The following IGF1R variants were observed in gnomAD, a reference collection of about 807,000 sequenced individuals.
The protein encoded by IGF1R is insulin like growth factor 1 receptor, also known as insulin-like growth factor 1 receptor.
A neutral mutation model predicts 144.6 loss-of-function variants in IGF1R; 44 were observed. The observed-to-expected ratio is 0.30, with a 90% CI of 0.24 to 0.39. The LOEUF is 0.39. Ranked by LOEUF, IGF1R falls within the 10% of genes least tolerant of loss-of-function variation. The pLI, the probability that IGF1R is intolerant of heterozygous loss-of-function variation, is 1.00. For missense variants in IGF1R, 1,355 were observed against 1,833.7 expected, an observed-to-expected ratio of 0.74 and a Z score of 4.77; for synonymous variants, 795 against 722.8, an observed-to-expected ratio of 1.10 and a Z score of -1.60.
In IGF1R at chr15:98,891,304, G is replaced by A. The variant is rs777538786; in HGVS notation, c.641-21G>A. The A allele has an allele frequency of 2.7e-5, 43 of 1,602,770 alleles. No homozygotes were observed. Among genetic ancestry groups the A allele is most frequent in the Middle Eastern group, 1.7e-4 (1 of 5,718 alleles). On this transcript the variant is annotated intron_variant, in intron 2 of 20. Coordinates refer to ENST00000650285, the MANE Select transcript of IGF1R (RefSeq NM_000875.5). The surrounding 1 kb of genome is among the most constrained non-coding windows in gnomAD (Gnocchi z 4.7). ...GCCTCCCCTGCCCGGTCTCATCTCC[G>A]TCTCTCCTCTCTCTCCACAGTGTGC...
intron 2 of IGF1R, among the ~76,000 whole-genome samples, chr15:98,752,607 C>T (rs562120299): frequency 2.4e-4 from 36 of 151,748 alleles, no homozygotes; most frequent in Admixed American, 3.3e-4. Flanking sequence ...GGCATGAACC[C>T]GGGAGGCGGA....
intron 2 of IGF1R, among the ~76,000 whole-genome samples, chr15:98,810,714 T>A: frequency 6.6e-6 from 1 of 151,890 alleles, no homozygotes; most frequent in Non-Finnish European, 1.5e-5. Flanking sequence ...ACGCCCGGCT[T>A]ATTTTTCGTA....
At chr15:98,829,172 AC>A (rs1567150056) in intron 2 of IGF1R, among the ~76,000 whole-genome samples, 1 of 151,738 alleles carries the variant, frequency 6.6e-6, no homozygotes, top group African/African-American at 2.4e-5. Context: ...AGAGCTTCTT[AC>A]CACATCTGGC....
At chr15:98,772,625 C>A (rs2055616325) in intron 2 of IGF1R, among the ~76,000 whole-genome samples, 1 of 151,520 alleles carries the variant, frequency 6.6e-6, no homozygotes, top group Admixed American at 6.6e-5. Flanking sequence ...GCCTCTCTAG[C>A]AGCTAGAACT....
intron 1 of IGF1R, among the ~76,000 whole-genome samples, chr15:98,682,343 A>G (rs2053211491): frequency 6.6e-6 from 1 of 152,096 alleles, no homozygotes; most frequent in African/African-American, 2.4e-5. Context: ...TGTTCCTTTT[A>G]GGGCCCGTGG....
At chr15:98,709,699 C>G (rs1305399808) in intron 2 of IGF1R, among the ~76,000 whole-genome samples, 1 of 152,174 alleles carries the variant, frequency 6.6e-6, no homozygotes, top group African/African-American at 2.4e-5. Flanking sequence ...CTTGGATGGG[C>G]CAGCCCTTCT....
chr15:98,898,750 G>C (rs1291110342), intron 4 of IGF1R, among the ~76,000 whole-genome samples: 1 of 152,124 alleles, frequency 6.6e-6, no homozygotes, highest in East Asian at 1.9e-4. Flanking sequence ...AGCATTAGTT[G>C]AACTGAAAAT....
chr15:98,952,123 G>C (rs1320861919), intron 20 of IGF1R, among the ~76,000 whole-genome samples: 1 of 152,158 alleles, frequency 6.6e-6, no homozygotes, highest in Non-Finnish European at 1.5e-5. Flanking sequence ...AAAAGATCCA[G>C]GACCTGAGCA....
chr15:98,739,319 C>G (rs1398561784), intron 2 of IGF1R, among the ~76,000 whole-genome samples: 1 of 152,144 alleles, frequency 6.6e-6, no homozygotes, highest in Non-Finnish European at 1.5e-5. Context: ...CTGCTGCTGT[C>G]CCGTCTGTCA....
At chr15:98,737,925 C>T (rs2054650134) in intron 2 of IGF1R, among the ~76,000 whole-genome samples, 2 of 152,182 alleles carry the variant, frequency 1.3e-5, no homozygotes, top group South Asian at 4.1e-4. Flanking sequence ...TTGATGTCTG[C>T]TCTAGGAGCA....
At chr15:98,721,728 C>T (rs1470502835) in intron 2 of IGF1R, among the ~76,000 whole-genome samples, 1 of 152,176 alleles carries the variant, frequency 6.6e-6, no homozygotes, top group Non-Finnish European at 1.5e-5. Context: ...ATTTACAAAA[C>T]ATTTTTGGAT....
intron 2 of IGF1R, among the ~76,000 whole-genome samples, chr15:98,782,825 G>A (rs776037140): frequency 1.3e-5 from 2 of 152,186 alleles, no homozygotes; most frequent in Non-Finnish European, 2.9e-5. Flanking sequence ...CTCATTTTAA[G>A]ATCTCCTTTT....
chr15:98,795,449 C>G (rs1296849408), intron 2 of IGF1R, among the ~76,000 whole-genome samples: 1 of 147,346 alleles, frequency 6.8e-6, no homozygotes, highest in Non-Finnish European at 1.5e-5. Context: ...GAGTCTCACT[C>G]TGTTGCCCAG....
rs143306293 is a variant in IGF1R, at chr15:98,919,251, C to T, written c.2201+2375C>T. 2.3e-3 allele frequency among the ~76,000 whole-genome samples: 350 copies of T among 152,316 alleles called. 2 individuals are homozygous for T. Among genetic ancestry groups the T allele is most frequent in the African/African-American group, 8.1e-3 (336 of 41,568 alleles). ...GCGTTGCTTCTCGTGGTCCTTTCCA[C>T]CTAGACCAGCAGAGGCTTAGCTCGT... On this transcript the variant is annotated intron_variant, in intron 10 of 20. Coordinates refer to ENST00000650285, the MANE Select transcript of IGF1R (RefSeq NM_000875.5).
At chr15:98,763,871 CG>C (rs1451250057) in intron 2 of IGF1R, among the ~76,000 whole-genome samples, 1 of 152,156 alleles carries the variant, frequency 6.6e-6, no homozygotes, top group East Asian at 1.9e-4. Context: ...CCTTGCCCAG[CG>C]TGACCTCATT....
rs1555467735 is a variant in IGF1R, at chr15:98,958,717, A to AT, written c.*1283dup. The AT allele has an allele frequency of 1.7e-5, 4 of 229,598 alleles. No homozygotes were observed. Among genetic ancestry groups the AT allele is most frequent in the East Asian group, 6.2e-5 (1 of 16,204 alleles). The allele number at this position is 229,598 out of a possible 1,614,324, so 14.2% of individuals were successfully genotyped here. A position where few individuals can be genotyped will look rare whatever the true frequency, so the allele number is the denominator to read the frequency against. ...TCTGTACAGAAAAAAAAAAGCTGCT[A>AT]TTTTTTTTGTTCTTGATCTTTGTGG... On this transcript the variant is annotated 3_prime_UTR_variant, in exon 21 of 21. Coordinates refer to ENST00000650285, the MANE Select transcript of IGF1R (RefSeq NM_000875.5).
chr15:98,738,103 A>G (rs1185717502), intron 2 of IGF1R, among the ~76,000 whole-genome samples: 3 of 152,192 alleles, frequency 2.0e-5, no homozygotes, highest in Non-Finnish European at 4.4e-5. Context: ...AAATCCTATG[A>G]CAGATGGGCC....
intron 2 of IGF1R, among the ~76,000 whole-genome samples, chr15:98,733,578 G>A (rs752000500): frequency 5.9e-5 from 9 of 151,822 alleles, no homozygotes; most frequent in Middle Eastern, 3.4e-3. Context: ...AGCCTCCACT[G>A]CTATTGCATG....
At chr15:98,749,915 G>T (rs1249792997) in intron 2 of IGF1R, among the ~76,000 whole-genome samples, 5 of 138,932 alleles carry the variant, frequency 3.6e-5, no homozygotes, top group African/African-American at 1.1e-4. Context: ...CTTAAAAAAA[G>T]AATCTGTTCT....
Sources: gnomAD v4.1 joint callset for allele counts (sites outside exome capture counted in the v4.1 genomes callset) on GRCh38, gnomAD v4.1.1 for gene constraint, Gnocchi (gnomAD v3.1) non-coding constraint, MANE v1.5 for transcripts, NCBI Gene and HGNC (gene_info 2026-07-23, HGNC 2026-07-21) for gene names.